RNF220: variants seen among roughly 807,000 people sequenced by gnomAD.
RNF220 encodes the protein E3 ubiquitin-protein ligase RNF220.
In RNF220, 7 loss-of-function variants were observed where a neutral mutation model predicts 67.1. The ratio of observed to expected loss-of-function variants is 0.10; its 90% CI spans 0.06 to 0.20. The LOEUF is 0.20. Among genes scored for constraint, RNF220 ranks in the 10% least tolerant of loss-of-function variants. The pLI, the probability that RNF220 is intolerant of heterozygous loss-of-function variation, is 1.00. For synonymous variants in RNF220, 270 were observed against 283.2 expected (o/e 0.95, Z 0.47); for missense variants, 565 against 740.3 (o/e 0.76, Z 2.75).
intron 2 of RNF220, among the ~76,000 whole-genome samples, chr1:44,525,854 C>T (rs1273698564): frequency 1.3e-5 from 2 of 152,176 alleles, no homozygotes; most frequent in Non-Finnish European, 2.9e-5. Context: ...ATTTCTTCGT[C>T]TCAAAAATAA....
At chr1:44,432,453 T>C (rs1650492386) in intron 2 of RNF220, among the ~76,000 whole-genome samples, 1 of 152,072 alleles carries the variant, frequency 6.6e-6, no homozygotes, top group African/African-American at 2.4e-5. Context: ...GTATTTTTAG[T>C]AGAGACAGGG....
chr1:44,644,474 A>G (rs1332263143), intron 8 of RNF220: 2 of 533,452 alleles, frequency 3.7e-6, no homozygotes, highest in Non-Finnish European at 6.7e-6. Flanking sequence ...AGCAGAGACC[A>G]CTTGGAGCAG....
In RNF220 at chr1:44,645,567, T is replaced by TA; in HGVS notation, c.1445+79_1445+80insA. 1 of 1,428,916 alleles carries TA rather than the reference T, an allele frequency of 7.0e-7. No individual in the cohort carries two copies. Among genetic ancestry groups the TA allele is most frequent in the Non-Finnish European group, 9.7e-7 (1 of 1,027,036 alleles). The allele number at this position is 1,428,916 out of a possible 1,614,324, so 88.5% of individuals were successfully genotyped here. On this transcript the variant is annotated intron_variant, in intron 12 of 14. Coordinates refer to ENST00000361799, the MANE Select transcript of RNF220 (RefSeq NM_018150.4). This position sits in a 1 kb window ranked among gnomAD's most constrained non-coding sequence, Gnocchi z 5.0. ...GCCCTTTGCTAGCAGGAAGGCCTGC[T>TA]GCCAGGGCTTCTGGCCCTCCCAAGT...
rs1391064027 is a variant in RNF220, at chr1:44,606,163, T to C, written c.626-8002T>C. Reference sequence around the variant, plus strand: ...AGACAAGTGTATTACACGGATAATGTATTTGACGTATTAATAAAACCAGCC... The same window carrying C: ...AGACAAGTGTATTACACGGATAATGCATTTGACGTATTAATAAAACCAGCC... On this transcript the variant is annotated intron_variant, in intron 2 of 14. Coordinates refer to ENST00000361799, the MANE Select transcript of RNF220 (RefSeq NM_018150.4). This position sits in a 1 kb window ranked among gnomAD's most constrained non-coding sequence, Gnocchi z 4.2. Among the ~76,000 whole-genome samples the C allele has an allele frequency of 6.6e-6, 1 of 152,230 alleles. No homozygotes were observed. Among genetic ancestry groups the C allele is most frequent in the Admixed American group, 6.5e-5 (1 of 15,286 alleles).
At chr1:44,632,471 G>T in intron 6 of RNF220, 86 bp downstream of exon 6, 1 of 1,371,370 alleles carries the variant, frequency 7.3e-7, no homozygotes. Flanking sequence ...GCTTGCCTGG[G>T]TCTCTTCGAC....
intron 8 of RNF220, 110 bp from the exon 9 acceptor site, chr1:44,644,588 C>T: frequency 1.3e-6 from 1 of 751,604 alleles, no homozygotes; most frequent in East Asian, 2.5e-5. Context: ...GCCCAGGTTT[C>T]CCTCTGGGCC....
At chr1:44,431,459 T>A (rs1650361688) in intron 2 of RNF220, among the ~76,000 whole-genome samples, 2 of 136,778 alleles carry the variant, frequency 1.5e-5, no homozygotes, top group Middle Eastern at 4.5e-3. Flanking sequence ...GCCACTGCAC[T>A]CCAGCCTGGG....
At chr1:44,443,421 G>A (rs138572758) in intron 2 of RNF220, among the ~76,000 whole-genome samples, 29 of 152,230 alleles carry the variant, frequency 1.9e-4, no homozygotes, top group African/African-American at 6.7e-4. Flanking sequence ...TGTTGCAGTA[G>A]GCTCCTAACA....
chr1:44,431,233 T>C (rs887043739), intron 2 of RNF220, among the ~76,000 whole-genome samples: 9 of 152,204 alleles, frequency 5.9e-5, no homozygotes, highest in African/African-American at 1.9e-4. Flanking sequence ...AGGTGGCTCA[T>C]GCCTGTAATC....
At chr1:44,423,939 C>T in intron 2 of RNF220, 16 of 985,426 alleles carry the variant, frequency 1.6e-5, no homozygotes, top group Non-Finnish European at 1.9e-5. Context: ...ATGCTAAAAA[C>T]AGTTCCTTCC....
intron 5 of RNF220, among the ~76,000 whole-genome samples, chr1:44,627,344 CAAAAAAAA>C (rs35722890): frequency 2.4e-5 from 1 of 42,254 alleles, no homozygotes; most frequent in Non-Finnish European, 4.2e-5. Context: ...GACTCCGTCT[CAAAAAAAA>C]AAAAAAAAAA....
chr1:44,616,400 A>C lies in RNF220; in HGVS notation c.758+2103A>C, dbSNP rs149755727. Among the ~76,000 whole-genome samples the C allele has an allele frequency of 4.6e-5, 7 of 152,344 alleles. No homozygotes were observed. In the East Asian group the frequency reaches 1.3e-3, roughly 29 times the overall value. ...TGTGCCGAGTACTTTACATTGCATT[A>C]ATTTATTTAATCTTCACAACAACCC... is the stretch of plus-strand genomic sequence containing the variant. On this transcript the variant is annotated intron_variant, in intron 3 of 14. Coordinates refer to ENST00000361799, the MANE Select transcript of RNF220 (RefSeq NM_018150.4).
intron 2 of RNF220, among the ~76,000 whole-genome samples, chr1:44,482,118 A>C (rs752308315): frequency 2.6e-5 from 4 of 152,222 alleles, no homozygotes; most frequent in Non-Finnish European, 4.4e-5. Context: ...AAGAAAACAG[A>C]AGCTTAAAAG....
chr1:44,467,243 C>T (rs951054191), intron 2 of RNF220, among the ~76,000 whole-genome samples: 1 of 152,158 alleles, frequency 6.6e-6, no homozygotes, highest in African/African-American at 2.4e-5. Context: ...TGGAATTTCG[C>T]TCTTGTTGCC....
intron 2 of RNF220, among the ~76,000 whole-genome samples, chr1:44,579,434 C>A (rs1182074995): frequency 2.6e-5 from 4 of 152,238 alleles, no homozygotes; most frequent in Admixed American, 2.6e-4. Flanking sequence ...TAGACTTGGA[C>A]CCCCAGTCTG....
intron 2 of RNF220, among the ~76,000 whole-genome samples, chr1:44,460,145 G>A (rs570234596): frequency 2.6e-5 from 4 of 152,306 alleles, no homozygotes; most frequent in African/African-American, 7.2e-5. Context: ...ATCGTTCCTC[G>A]TCTCACGGGG....
chr1:44,608,576 C>T (rs186384414), intron 2 of RNF220, among the ~76,000 whole-genome samples: 18 of 152,254 alleles, frequency 1.2e-4, no homozygotes, highest in Admixed American at 1.2e-3. Flanking sequence ...CACAGAACTG[C>T]TGTAAGGATT....
intron 5 of RNF220, among the ~76,000 whole-genome samples, chr1:44,629,341 G>T (rs550115119): frequency 1.3e-5 from 2 of 152,302 alleles, no homozygotes; most frequent in East Asian, 3.9e-4. Context: ...AATAATTCTG[G>T]CCATATTTAA....
At chr1:44,586,597 T>G (rs1296331892) in intron 2 of RNF220, among the ~76,000 whole-genome samples, 1 of 152,108 alleles carries the variant, frequency 6.6e-6, no homozygotes, top group Non-Finnish European at 1.5e-5. Flanking sequence ...CACAGGTCCT[T>G]GTTCCAGGAG....
Sources: allele counts gnomAD v4.1 joint callset (sites outside exome capture counted in the v4.1 genomes callset), GRCh38; gene constraint gnomAD v4.1.1; non-coding constraint Gnocchi (gnomAD v3.1); transcripts MANE v1.5; gene names NCBI Gene and HGNC (gene_info 2026-07-23, HGNC 2026-07-21).